The following AGBL4 variants were observed in gnomAD, a reference collection of about 807,000 sequenced individuals.
AGBL4 encodes cytosolic carboxypeptidase 6.
In AGBL4, 58 loss-of-function variants were observed where a neutral mutation model predicts 66.4. That is an observed-to-expected ratio of 0.87 (90% CI 0.71 to 1.09). AGBL4 has a LOEUF of 1.09. AGBL4 is among the 50% of genes least tolerant of loss of function. The pLI is 0.00. For missense variants in AGBL4, 579 were observed against 631.0 expected, an observed-to-expected ratio of 0.92 and a Z score of 0.88; for synonymous variants, 234 against 222.9, an observed-to-expected ratio of 1.05 and a Z score of -0.44.
At chr1:49,838,055 T>C (rs1645897725) in intron 2 of AGBL4, among the ~76,000 whole-genome samples, 1 of 152,112 alleles carries the variant, frequency 6.6e-6, no homozygotes, top group South Asian at 2.1e-4. Context: ...TGCCAGGTAG[T>C]TCAATAAAAG....
intron 1 of AGBL4, among the ~76,000 whole-genome samples, chr1:50,019,371 C>T (rs1299782845): frequency 2.7e-5 from 4 of 148,164 alleles, no homozygotes; most frequent in African/African-American, 9.9e-5. Flanking sequence ...GATATCATTT[C>T]TCTGGGGGTG....
At chr1:49,132,047 T>C (rs1292281759) in intron 4 of AGBL4, among the ~76,000 whole-genome samples, 1 of 151,980 alleles carries the variant, frequency 6.6e-6, no homozygotes, top group African/African-American at 2.4e-5. Flanking sequence ...TGATAAAAGA[T>C]GAGGACCAAG....
chr1:49,515,461 A>C (rs1649707264), intron 3 of AGBL4, among the ~76,000 whole-genome samples: 2 of 152,160 alleles, frequency 1.3e-5, no homozygotes, highest in Admixed American at 6.5e-5. Flanking sequence ...TCATTCAACA[A>C]TTGTGGAAGT....
chr1:49,981,987 C>G (rs899229739), intron 1 of AGBL4, among the ~76,000 whole-genome samples: 3 of 152,218 alleles, frequency 2.0e-5, no homozygotes, highest in Admixed American at 1.3e-4. Flanking sequence ...GAGCGTAACT[C>G]TTGATGTCAA....
rs368528104 is a variant in AGBL4 at position 48,678,700 on chromosome 1, A to G, written c.635-15459T>C. Among the ~76,000 whole-genome samples the G allele has an allele frequency of 7.3e-4, 111 of 152,344 alleles. 1 individual carries two copies. The highest frequency in any genetic ancestry group is 2.5e-3 in the African/African-American group (106 of 41,582). The stretch of plus-strand genomic sequence containing the variant: ...GCGTTTTAATGGTGCAAATGTGGCA[A>G]TAACAAAGGTGGTAAATGTCTATTT... On this transcript the variant is annotated intron_variant, in intron 6 of 13. Coordinates refer to ENST00000371839, the MANE Select transcript of AGBL4 (RefSeq NM_032785.4).
At chr1:48,674,231 G>A (rs980735314) in intron 6 of AGBL4, among the ~76,000 whole-genome samples, 3 of 152,176 alleles carry the variant, frequency 2.0e-5, no homozygotes, top group Non-Finnish European at 4.4e-5. Context: ...TAATGGCTGT[G>A]AATCCCTGCC....
intron 5 of AGBL4, among the ~76,000 whole-genome samples, chr1:49,040,994 A>G (rs1238570429): frequency 6.6e-6 from 1 of 152,116 alleles, no homozygotes; most frequent in Non-Finnish European, 1.5e-5. Flanking sequence ...CTTATCTTAA[A>G]TGGCAGATCA....
intron 1 of AGBL4, among the ~76,000 whole-genome samples, chr1:49,918,681 T>C (rs1651854457): frequency 6.6e-6 from 1 of 152,198 alleles, no homozygotes; most frequent in South Asian, 2.1e-4. Context: ...GTACCATTCC[T>C]TCTGAAACTA....
intron 3 of AGBL4, among the ~76,000 whole-genome samples, chr1:49,471,214 A>C (rs1034367060): frequency 6.6e-6 from 1 of 152,024 alleles, no homozygotes; most frequent in African/African-American, 2.4e-5. Flanking sequence ...AAAAGCAATA[A>C]TATAAGTCAT....
At chr1:49,091,090 G>A (rs1644995482) in intron 4 of AGBL4, among the ~76,000 whole-genome samples, 1 of 152,106 alleles carries the variant, frequency 6.6e-6, no homozygotes, top group African/African-American at 2.4e-5. Context: ...ATAAACTCAA[G>A]ATGGATTAAA....
At chr1:48,708,722 C>A (rs532145882) in intron 6 of AGBL4, among the ~76,000 whole-genome samples, 16 of 152,188 alleles carry the variant, frequency 1.1e-4, no homozygotes, top group Admixed American at 3.9e-4. Flanking sequence ...GGAAGAAAAG[C>A]CTCCAAAATA....
intron 5 of AGBL4, among the ~76,000 whole-genome samples, chr1:48,949,370 T>G (rs1380265963): frequency 6.6e-6 from 1 of 152,210 alleles, no homozygotes; most frequent in East Asian, 1.9e-4. Context: ...GGCAATAGAT[T>G]CTGAGCAGAT....
chr1:49,306,823 G>C (rs1644855894), intron 3 of AGBL4, among the ~76,000 whole-genome samples: 2 of 152,146 alleles, frequency 1.3e-5, no homozygotes, highest in African/African-American at 2.4e-5. Context: ...GAATTGCTTT[G>C]AGAACATGTT....
At chr1:49,431,385 A>G (rs1311063400) in intron 3 of AGBL4, among the ~76,000 whole-genome samples, 2 of 152,322 alleles carry the variant, frequency 1.3e-5, no homozygotes, top group East Asian at 3.9e-4. Context: ...ATGAAATCAA[A>G]TATCTACTGG....
In AGBL4 at chr1:48,736,159, T is replaced by C; in HGVS notation, c.635-72918A>G. 6.8e-7 allele frequency: 1 copy of C among 1,471,226 alleles called. No individual in the cohort carries two copies. Among genetic ancestry groups the C allele is most frequent in the Non-Finnish European group, 9.5e-7 (1 of 1,055,332 alleles). 91.1% of individuals were successfully genotyped at this position (1,471,226 alleles called of 1,614,324 possible). Reference sequence around the variant, plus strand: ...ATGCAGAAGCTTCATAAGTAATCGTTGAATTGAATTGTGCCTAACACATTC... The same window carrying C: ...ATGCAGAAGCTTCATAAGTAATCGTCGAATTGAATTGTGCCTAACACATTC... On this transcript the variant is annotated intron_variant, in intron 6 of 13. Transcript: ENST00000371839. This position sits in a 1 kb window ranked among gnomAD's most constrained non-coding sequence, Gnocchi z 4.0.
intron 3 of AGBL4, among the ~76,000 whole-genome samples, chr1:49,293,539 A>G (rs1022572930): frequency 1.3e-5 from 2 of 152,210 alleles, no homozygotes; most frequent in African/African-American, 4.8e-5. Flanking sequence ...TCTCCAATAA[A>G]AAAAGTTTCC....
At chr1:49,586,468 T>A (rs1001059094) in intron 3 of AGBL4, among the ~76,000 whole-genome samples, 6 of 152,214 alleles carry the variant, frequency 3.9e-5, no homozygotes, top group African/African-American at 1.4e-4. Flanking sequence ...ACATACAATC[T>A]AACTTGATCC....
chr1:49,536,548 A>C (rs1651601968), intron 3 of AGBL4, among the ~76,000 whole-genome samples: 1 of 152,208 alleles, frequency 6.6e-6, no homozygotes. Context: ...AGAATTAGAA[A>C]AAACAACCCT....
At chr1:49,548,376 G>T (rs1431064210) in intron 3 of AGBL4, among the ~76,000 whole-genome samples, 1 of 152,060 alleles carries the variant, frequency 6.6e-6, no homozygotes, top group Non-Finnish European at 1.5e-5. Flanking sequence ...TCCTTGTCTT[G>T]TTCCAGAGGG....
Sources: gnomAD v4.1 joint callset for allele counts (sites outside exome capture counted in the v4.1 genomes callset) on GRCh38, gnomAD v4.1.1 for gene constraint, Gnocchi (gnomAD v3.1) non-coding constraint, MANE v1.5 for transcripts, NCBI Gene and HGNC (gene_info 2026-07-23, HGNC 2026-07-21) for gene names.